The following RBBP8 variants were observed in gnomAD, a reference collection of about 807,000 sequenced individuals.
RBBP8 encodes the protein RB binding protein 8, endonuclease, also known as DNA endonuclease RBBP8.
A neutral mutation model predicts 108.3 loss-of-function variants in RBBP8; 88 were observed. That is an observed-to-expected ratio of 0.81 (90% CI 0.68 to 0.97). The LOEUF (loss-of-function observed/expected upper bound fraction) is 0.97, where lower values mean the gene tolerates loss of function less well. Among genes scored for constraint, RBBP8 ranks in the 50% least tolerant of loss-of-function variants. RBBP8 has a pLI of 0.00. For missense variants in RBBP8, 1,023 were observed against 1,049.0 expected (o/e 0.98, Z 0.34); for synonymous variants, 332 against 348.2 (o/e 0.95, Z 0.52).
At chr18:22,990,856 T>C in intron 9 of RBBP8, 81 bp from the exon 10 acceptor site, 1 of 1,044,842 alleles carries the variant, frequency 9.6e-7, no homozygotes, top group Admixed American at 1.9e-5. Flanking sequence ...ATCTACATCA[T>C]AACATATATC....
intron 1 of RBBP8, among the ~76,000 whole-genome samples, chr18:22,935,925 GACTT>G (rs1910535481): frequency 6.6e-6 from 1 of 152,026 alleles, no homozygotes; most frequent in Admixed American, 6.6e-5. Context: ...AAATCTTACT[GACTT>G]CTCTTGTTTT....
chr18:22,988,596 C>T (rs1264422158), intron 8 of RBBP8, among the ~76,000 whole-genome samples: 1 of 152,186 alleles, frequency 6.6e-6, no homozygotes, highest in Non-Finnish European at 1.5e-5. Flanking sequence ...TAAATCACCC[C>T]TTTTATGTAC....
Position 22,993,118 on chromosome 18 carries a change from G to T in RBBP8, c.1291G>T (p.Asp431Tyr). 1 of 1,614,044 alleles carries T rather than the reference G, an allele frequency of 6.2e-7. No individual in the cohort carries two copies. The highest frequency in any genetic ancestry group is 8.5e-7 in the Non-Finnish European group (1 of 1,179,924). Residue 431 changes from aspartate (D) to tyrosine (Y), a missense_variant, in exon 11 of 19, where the codon GAT (aspartate) becomes TAT (tyrosine). Asp to Tyr is a radical substitution (Grantham distance 160). Coordinates refer to ENST00000327155, the MANE Select transcript of RBBP8 (RefSeq NM_002894.3). ...TGAGTACGGTAAAGATTCTAACACT[G>T]ATAAACATTTGGAGCCCCTGAAATC... ...RTEYGKDSNT[D>Y]KHLEPLKSLG... is the part of the protein sequence containing the mutation.
Position 22,949,640 on chromosome 18 carries a change from T to C in RBBP8, c.175T>C (p.Phe59Leu). Residue 59 changes from phenylalanine (F) to leucine (L), a missense_variant, in exon 4 of 19, where the codon TTC (phenylalanine) becomes CTC (leucine). Coordinates refer to ENST00000327155, the MANE Select transcript of RBBP8 (RefSeq NM_002894.3). The stretch of plus-strand genomic sequence containing the variant: ...TAGAGATGCACAAAGACTAGAAGAA[T>C]TCTTCACCAAAAATCAACAGCTGAG... ...RILDAQRLEE[F>L]FTKNQQLREQ... 6.2e-7 allele frequency: 1 copy of C among 1,612,786 alleles called. No homozygotes were observed. The highest frequency in any genetic ancestry group is 1.7e-5 in the Admixed American group (1 of 60,012).
intron 4 of RBBP8, among the ~76,000 whole-genome samples, chr18:22,953,839 CACAGTTCTGCA>C (rs1267357055): frequency 1.3e-5 from 2 of 151,916 alleles, no homozygotes; most frequent in Admixed American, 6.6e-5. Flanking sequence ...TTAGTTGACT[CACAGTTCTGCA>C]GAGCTGGGGA....
rs558272132 is a variant in RBBP8 at position 22,934,301 on chromosome 18, G to A, written c.-99+737G>A. The A allele has an allele frequency of 7.2e-5, 11 of 152,368 alleles. No individual in the cohort carries two copies. The East Asian group carries it at 1.9e-3, about 27-fold the overall frequency. The allele number at this position is 152,368 out of a possible 1,614,324, so 9.4% of individuals were successfully genotyped here. On this transcript the variant is annotated intron_variant, in intron 1 of 18. Transcript: ENST00000327155. ...GGGTTTTGCGAGCCAGAATTTGCAA[G>A]TTGAATGTTTTGTTTTTATGTTTTG... is the stretch of plus-strand genomic sequence containing the variant.
chr18:22,996,361 C>T lies in RBBP8; in HGVS notation c.1940-13C>T, dbSNP rs1464418062. ...TCAGTTTTTTAATTGCATGCTCTTTCCCTTTACCTAAGATGTATCCTTTGA... is the reference window on the plus strand; with the variant it reads ...TCAGTTTTTTAATTGCATGCTCTTTTCCTTTACCTAAGATGTATCCTTTGA... On this transcript the variant is annotated splice_polypyrimidine_tract_variant and intron_variant, in intron 12 of 18. Transcript: ENST00000327155. 1 of 1,613,070 alleles carries T rather than the reference C, an allele frequency of 6.2e-7. No homozygotes were observed. Among genetic ancestry groups the T allele is most frequent in the Non-Finnish European group, 8.5e-7 (1 of 1,179,728 alleles).
intron 3 of RBBP8, among the ~76,000 whole-genome samples, chr18:22,924,029 T>C (rs776876629): frequency 6.6e-6 from 1 of 152,172 alleles, no homozygotes; most frequent in Non-Finnish European, 1.5e-5. Context: ...AAGTCCAGTT[T>C]ATTTTCAGCT....
intron 16 of RBBP8, among the ~76,000 whole-genome samples, chr18:23,007,448 TA>T (rs1419303843): frequency 6.6e-6 from 1 of 151,946 alleles, no homozygotes; most frequent in Non-Finnish European, 1.5e-5. Flanking sequence ...CTCACGCTTG[TA>T]ATCCCAGCAC....
At chr18:22,944,619 C>T (rs1911392075) in intron 2 of RBBP8, among the ~76,000 whole-genome samples, 2 of 152,294 alleles carry the variant, frequency 1.3e-5, no homozygotes, top group South Asian at 4.1e-4. Context: ...ACAGGTTTAT[C>T]TGTAACATTT....
At chr18:22,942,127 C>A (rs1327909836) in intron 2 of RBBP8, among the ~76,000 whole-genome samples, 1 of 151,998 alleles carries the variant, frequency 6.6e-6, no homozygotes, top group Non-Finnish European at 1.5e-5. Flanking sequence ...TGAAAGACAT[C>A]AAACATGGAC....
intron 5 of RBBP8, 22 bp downstream of exon 5, chr18:22,968,940 ATTAT>A (rs761556709): frequency 2.0e-5 from 30 of 1,534,468 alleles, no homozygotes; most frequent in Non-Finnish European, 2.7e-5. Context: ...TTCTTCATTT[ATTAT>A]TTAAAGTATG....
intron 2 of RBBP8, chr18:22,916,855 A>G (rs1280612524): frequency 6.6e-6 from 1 of 152,106 alleles, no homozygotes; most frequent in Non-Finnish European, 1.5e-5. Flanking sequence ...TAGTATGTAT[A>G]TATTTTTGTA....
Position 23,016,963 on chromosome 18 carries a change from G to T in RBBP8, c.2454+39G>T, listed in dbSNP as rs372537555. 105 of 1,368,238 alleles carry T rather than the reference G, an allele frequency of 7.7e-5. No individual in the cohort carries two copies. In the East Asian group the frequency reaches 9.0e-4, roughly 12 times the overall value. 84.8% of individuals were successfully genotyped at this position (1,368,238 alleles called of 1,614,324 possible). A position where few individuals can be genotyped will look rare whatever the true frequency, so the allele number is the denominator to read the frequency against. ...TAGATACTAATTTTTTTTTAAGTAC[G>T]GCTTTATAGATAATAAATGCATGAT... is the stretch of plus-strand genomic sequence containing the variant. On this transcript the variant is annotated intron_variant, in intron 17 of 18. Coordinates refer to ENST00000327155, the MANE Select transcript of RBBP8 (RefSeq NM_002894.3).
At chr18:22,932,020 G>A (rs1401289704), upstream of RBBP8, among the ~76,000 whole-genome samples, 1 of 152,204 alleles carries the variant, frequency 6.6e-6, no homozygotes, top group Non-Finnish European at 1.5e-5. Flanking sequence ...ATGGAGAGAA[G>A]GGGATGGATT....
chr18:23,009,089 T>A (rs1399124378), intron 16 of RBBP8, among the ~76,000 whole-genome samples: 1 of 152,164 alleles, frequency 6.6e-6, no homozygotes, highest in East Asian at 1.9e-4. Context: ...CTTTGATTTT[T>A]TAAGGTAAAC....
chr18:23,006,199 A>G (rs2046044237), intron 15 of RBBP8, among the ~76,000 whole-genome samples, 164 bp from the exon 16 acceptor site: 1 of 152,078 alleles, frequency 6.6e-6, no homozygotes, highest in Admixed American at 6.6e-5. Context: ...AAAAAAAAAA[A>G]ATAGTTACAA....
intron 4 of RBBP8, among the ~76,000 whole-genome samples, chr18:22,950,944 G>A (rs1044530103): frequency 6.6e-6 from 1 of 152,174 alleles, no homozygotes; most frequent in African/African-American, 2.4e-5. Flanking sequence ...ATATGTTACG[G>A]AAGGGCTGGG....
intron 3 of RBBP8, among the ~76,000 whole-genome samples, chr18:22,926,295 T>G (rs1050876286): frequency 6.6e-6 from 1 of 152,150 alleles, no homozygotes; most frequent in Non-Finnish European, 1.5e-5. Context: ...TGGTGCCACA[T>G]GTCTGTAATC....
Sources: allele counts gnomAD v4.1 joint callset (sites outside exome capture counted in the v4.1 genomes callset), GRCh38; gene constraint gnomAD v4.1.1; transcripts MANE v1.5; gene names NCBI Gene and HGNC (gene_info 2026-07-23, HGNC 2026-07-21).